CCDC3: variants seen among roughly 807,000 people sequenced by gnomAD.
The protein encoded by CCDC3 is coiled-coil domain-containing protein 3.
CCDC3 carries 24 observed loss-of-function variants against 21.4 expected under a neutral mutation model. The ratio of observed to expected loss-of-function variants is 1.12; its 90% confidence interval spans 0.81 to 1.58. CCDC3 has a LOEUF of 1.58. Among genes scored for constraint, CCDC3 ranks in the 40% most tolerant of loss-of-function variants. CCDC3 has a pLI of 0.00. For missense variants in CCDC3, 425 were observed against 360.9 expected, an observed-to-expected ratio of 1.18 and a Z score of -1.44; for synonymous variants, 186 against 166.0, an observed-to-expected ratio of 1.12 and a Z score of -0.93.
intron 4 of CCDC3, among the ~76,000 whole-genome samples, chr10:13,053,663 T>A (rs1399886306): frequency 1.3e-5 from 2 of 152,230 alleles, no homozygotes; most frequent in African/African-American, 4.8e-5. Flanking sequence ...GGAATGTTGA[T>A]GAACCTTGGA....
chr10:13,098,709 G>GTTTTTTTTTTTTT (rs1564348313), intron 2 of CCDC3: 1 of 59,472 alleles, frequency 1.7e-5, no homozygotes, highest in African/African-American at 7.2e-5. Context: ...TTCCTGCACT[G>GTTTTTTTTTTTTT]ATTTTTTTTT....
intron 2 of CCDC3, among the ~76,000 whole-genome samples, chr10:12,939,566 G>C (rs758321798): frequency 1.3e-5 from 2 of 152,178 alleles, no homozygotes; most frequent in Non-Finnish European, 2.9e-5. Flanking sequence ...CTGAGTGACA[G>C]AGCCAGATGC....
chr10:13,004,022 G>A (rs1047461003), upstream of CCDC3, among the ~76,000 whole-genome samples: 3 of 152,260 alleles, frequency 2.0e-5, no homozygotes, highest in South Asian at 6.2e-4. Flanking sequence ...CCTCTTTGGG[G>A]ACTAAGACTT....
At chr10:12,924,280 T>A (rs1834499520) in intron 2 of CCDC3, among the ~76,000 whole-genome samples, 1 of 152,208 alleles carries the variant, frequency 6.6e-6, no homozygotes, top group Non-Finnish European at 1.5e-5. Flanking sequence ...TAAGGCCCTT[T>A]GCCGTACAGT....
intron 2 of CCDC3, among the ~76,000 whole-genome samples, chr10:12,991,232 G>C (rs570411830): frequency 8.5e-5 from 13 of 152,220 alleles, no homozygotes; most frequent in Non-Finnish European, 1.5e-4. Context: ...ATTTGCTTTT[G>C]ATCATCAAAA....
chr10:12,946,080 C>G (rs759870201), intron 2 of CCDC3, among the ~76,000 whole-genome samples: 31 of 152,224 alleles, frequency 2.0e-4, no homozygotes, highest in Non-Finnish European at 4.1e-4. Flanking sequence ...GCACTGTATT[C>G]TCTCAAGAGT....
At chr10:13,067,812 C>T (rs1224899444) in intron 4 of CCDC3, among the ~76,000 whole-genome samples, 3 of 152,184 alleles carry the variant, frequency 2.0e-5, no homozygotes, top group East Asian at 3.8e-4. Flanking sequence ...GGCCACTTGG[C>T]ACGGCTAGTT....
intron 2 of CCDC3, among the ~76,000 whole-genome samples, chr10:12,918,972 C>T (rs1241037908): frequency 2.6e-5 from 4 of 151,958 alleles, no homozygotes; most frequent in Non-Finnish European, 5.9e-5. Flanking sequence ...GGAGAATGGG[C>T]GTGAACCCGG....
chr10:12,990,575 A>G (rs191981294), intron 2 of CCDC3, among the ~76,000 whole-genome samples: 405 of 152,360 alleles, frequency 2.7e-3, no homozygotes, highest in Middle Eastern at 0.01. Context: ...AACTGACAGT[A>G]TTGGCTGCCA....
chr10:13,098,652 C>T (rs970458864), intron 2 of CCDC3: 2 of 148,836 alleles, frequency 1.3e-5, no homozygotes, highest in African/African-American at 5.0e-5. Flanking sequence ...CATTCCATTT[C>T]TCTCTGTATA....
At chr10:12,916,288 T>A (rs934231881) in intron 2 of CCDC3, among the ~76,000 whole-genome samples, 1 of 152,002 alleles carries the variant, frequency 6.6e-6, no homozygotes, top group Non-Finnish European at 1.5e-5. Flanking sequence ...AAAAATTAGC[T>A]GGGCATGGTG....
chr10:12,942,453 C>T (rs748945056), intron 2 of CCDC3, among the ~76,000 whole-genome samples: 2 of 152,194 alleles, frequency 1.3e-5, no homozygotes, highest in Non-Finnish European at 2.9e-5. Context: ...CAAAATGAAG[C>T]TACAGACATA....
chr10:13,019,599 AC>A (rs1204270993), intron 5 of CCDC3, among the ~76,000 whole-genome samples: 14 of 152,324 alleles, frequency 9.2e-5, no homozygotes, highest in African/African-American at 3.4e-4. Flanking sequence ...ATTTTCCATT[AC>A]TGACTTTGTT....
chr10:13,031,962 A>G (rs958976401), intron 5 of CCDC3, among the ~76,000 whole-genome samples: 23 of 152,226 alleles, frequency 1.5e-4, no homozygotes, highest in African/African-American at 5.3e-4. Context: ...ATCAATAGAA[A>G]AAGAGGGAAT....
At chr10:13,022,390 T>A (rs1225267562) in intron 5 of CCDC3, among the ~76,000 whole-genome samples, 1 of 152,080 alleles carries the variant, frequency 6.6e-6, no homozygotes, top group African/African-American at 2.4e-5. Context: ...TGATTCAGGG[T>A]GAAAAGCAGG....
intron 5 of CCDC3, among the ~76,000 whole-genome samples, chr10:13,037,799 A>G (rs1020535131): frequency 6.6e-6 from 1 of 152,146 alleles, no homozygotes; most frequent in East Asian, 1.9e-4. Context: ...GTGAGATCCC[A>G]TCTCTAAAAC....
chr10:13,015,610 A>G (rs1836047076), intron 5 of CCDC3, among the ~76,000 whole-genome samples: 1 of 152,102 alleles, frequency 6.6e-6, no homozygotes, highest in Non-Finnish European at 1.5e-5. Context: ...CAAAGAATAA[A>G]GCTGCAATTC....
intron 2 of CCDC3, among the ~76,000 whole-genome samples, chr10:12,910,283 A>G (rs1834247425): frequency 6.6e-6 from 1 of 152,200 alleles, no homozygotes; most frequent in African/African-American, 2.4e-5. Flanking sequence ...CTTGCTGGCT[A>G]CGTAGCTGTT....
At chr10:13,026,124 T>A (rs1472171942) in intron 5 of CCDC3, among the ~76,000 whole-genome samples, 1 of 151,044 alleles carries the variant, frequency 6.6e-6, no homozygotes, top group South Asian at 2.1e-4. Flanking sequence ...GAGGTTGCAG[T>A]GAGCCGAGAT....
Sources: allele counts gnomAD v4.1 joint callset (sites outside exome capture counted in the v4.1 genomes callset), GRCh38; gene constraint gnomAD v4.1.1; transcripts MANE v1.5; gene names NCBI Gene and HGNC (gene_info 2026-07-23, HGNC 2026-07-21).